Variants in YAE1 observed in about 807,000 individuals in gnomAD.
YAE1 encodes the protein YAE1 maturation factor of ABCE1.
YAE1 carries 22 observed loss-of-function variants against 23.0 expected under a neutral mutation model. That is an observed-to-expected ratio of 0.96 (90% CI 0.68 to 1.37). The LOEUF (loss-of-function observed/expected upper bound fraction) is 1.37, where lower values mean the gene tolerates loss of function less well. Among genes scored for constraint, YAE1 ranks in the 40% most tolerant of loss-of-function variants. The pLI is 0.00. For missense variants in YAE1, 260 were observed against 262.1 expected (o/e 0.99, Z 0.06); for synonymous variants, 101 against 97.0 (o/e 1.04, Z -0.24).
rs144402628 is a variant in YAE1 at position 39,599,879 on chromosome 7, G to A, written c.252-9738G>A. Among the ~76,000 whole-genome samples, 409 of 152,130 alleles carry A rather than the reference G, an allele frequency of 2.7e-3. 2 individuals carry two copies. Among genetic ancestry groups the A allele is most frequent in the African/African-American group, 9.2e-3 (381 of 41,502 alleles). On this transcript the variant is annotated intron_variant, in intron 2 of 2. Transcript: ENST00000432096. ...GCTGGGATTACAGGCGTCAGCCACC[G>A]TGCCCGGCCTGAAGTGTTGTTTTAA...
chr7:39,593,177 CTTTTTT>C (rs56303591), intron 2 of YAE1, among the ~76,000 whole-genome samples: 4 of 72,112 alleles, frequency 5.5e-5, no homozygotes, highest in African/African-American at 1.7e-4. Flanking sequence ...TTGGTTATTT[CTTTTTT>C]TTTTTTTTTT....
At chr7:39,599,275 ACT>A (rs920289517) in intron 2 of YAE1, among the ~76,000 whole-genome samples, 6 of 151,602 alleles carry the variant, frequency 4.0e-5, no homozygotes, top group African/African-American at 1.5e-4. Context: ...ATAAATCCTC[ACT>A]CTGCCACTTG....
In YAE1 at chr7:39,572,350, G is replaced by A. The variant is rs755450756; in HGVS notation, c.325G>A (p.Ala109Thr). The A allele has an allele frequency of 3.1e-6, 5 of 1,613,958 alleles. No individual in the cohort carries two copies. Among genetic ancestry groups the A allele is most frequent in the Non-Finnish European group, 4.2e-6 (5 of 1,179,974 alleles). ...LINKINNLLD[A>T]VGQCEEYVLK... Reference sequence around the variant, plus strand: ...CAATAAAATAAACAATCTTCTGGATGCAGTTGGCCAGTGTGAAGAGTATGT... The same window carrying A: ...CAATAAAATAAACAATCTTCTGGATACAGTTGGCCAGTGTGAAGAGTATGT... The change falls in exon 3 of 3, where the codon GCA (alanine) becomes ACA (threonine). Residue 109 changes from alanine to threonine, a missense_variant. Coordinates refer to ENST00000223273, the MANE Select transcript of YAE1 (RefSeq NM_020192.5).
At chr7:39,594,266 C>T (rs1790945731) in intron 2 of YAE1, among the ~76,000 whole-genome samples, 1 of 152,294 alleles carries the variant, frequency 6.6e-6, no homozygotes, top group East Asian at 1.9e-4. Flanking sequence ...TCATCTGTGG[C>T]TTTCTCCTTT....
At chr7:39,588,373 T>C (rs576882323) in intron 2 of YAE1, among the ~76,000 whole-genome samples, 1 of 151,872 alleles carries the variant, frequency 6.6e-6, no homozygotes, top group Non-Finnish European at 1.5e-5. Flanking sequence ...TTAGCTGGGC[T>C]TGGTGGCGTG....
chr7:39,604,673 C>A (rs1288317149), intron 2 of YAE1, among the ~76,000 whole-genome samples: 1 of 152,126 alleles, frequency 6.6e-6, no homozygotes, highest in East Asian at 1.9e-4. Context: ...ATAATGGTTT[C>A]AGTGGTTTTT....
downstream of YAE1, among the ~76,000 whole-genome samples, chr7:39,575,533 T>C (rs1790638843): frequency 8.1e-6 from 1 of 123,794 alleles, no homozygotes; most frequent in South Asian, 2.7e-4. Context: ...CAGTCTAAGA[T>C]ACAGGAGAGA....
At chr7:39,590,526 A>G (rs1790887065) in intron 2 of YAE1, among the ~76,000 whole-genome samples, 1 of 152,184 alleles carries the variant, frequency 6.6e-6, no homozygotes. Context: ...CAGAATTCAG[A>G]TGTTTTTTTA....
At chr7:39,587,507 G>A (rs189551035) in intron 2 of YAE1, among the ~76,000 whole-genome samples, 217 of 152,248 alleles carry the variant, frequency 1.4e-3, no homozygotes, top group African/African-American at 5.1e-3. Context: ...GAATTTTCCA[G>A]GGGTATGACT....
At position 39,590,444 on chromosome 7, in the gene YAE1, G is replaced by T. The variant is rs112185747; in HGVS notation, c.252-19173G>T. ...CTATTTTACAGATAAAGAGCTAAGA[G>T]GATAAACCCACATCTGCCTGACTCC... On this transcript the variant is annotated intron_variant, in intron 2 of 2. Coordinates refer to the YAE1 transcript ENST00000432096. Among the ~76,000 whole-genome samples, 1,290 of 152,210 alleles carry T rather than the reference G, an allele frequency of 8.5e-3. 18 individuals carry two copies. Among genetic ancestry groups the T allele is most frequent in the Non-Finnish European group, 0.013 (869 of 68,012 alleles).
chr7:39,584,717 T>G (rs1440845700), intron 2 of YAE1, among the ~76,000 whole-genome samples: 3 of 151,970 alleles, frequency 2.0e-5, no homozygotes, highest in African/African-American at 7.3e-5. Flanking sequence ...CTGCTATCAT[T>G]TGTAAAAAGC....
At chr7:39,592,568 A>G (rs1034970803) in intron 2 of YAE1, among the ~76,000 whole-genome samples, 2 of 152,212 alleles carry the variant, frequency 1.3e-5, no homozygotes, top group Admixed American at 6.5e-5. Context: ...AAGCCGTAGT[A>G]AAGTCAAAAA....
At chr7:39,570,716 G>A in intron 2 of YAE1, 89 bp downstream of exon 2, 1 of 1,458,206 alleles carries the variant, frequency 6.9e-7, no homozygotes, top group East Asian at 2.4e-5. Flanking sequence ...AAACTGAAAT[G>A]CTTTTCCTGG....
chr7:39,601,756 C>A (rs1791058469), intron 2 of YAE1, among the ~76,000 whole-genome samples: 1 of 53,314 alleles, frequency 1.9e-5, no homozygotes, highest in Non-Finnish European at 4.3e-5. Flanking sequence ...CAGACTCTGT[C>A]TCAAAAAAAA....
intron 2 of YAE1, among the ~76,000 whole-genome samples, chr7:39,593,471 C>T (rs970506045): frequency 6.6e-6 from 1 of 152,122 alleles, no homozygotes; most frequent in Non-Finnish European, 1.5e-5. Flanking sequence ...TGGTCTTGAA[C>T]TCCTGGCCTC....
At chr7:39,579,726 A>T (rs1319588723) in intron 2 of YAE1, among the ~76,000 whole-genome samples, 5 of 151,670 alleles carry the variant, frequency 3.3e-5, no homozygotes, top group Admixed American at 2.0e-4. Flanking sequence ...GTCAGCAAGT[A>T]TTATTTTTAT....
chr7:39,568,793 A>T (rs866793507), intron 1 of YAE1, among the ~76,000 whole-genome samples: 14 of 152,342 alleles, frequency 9.2e-5, no homozygotes, highest in African/African-American at 3.4e-4. Flanking sequence ...TTCCTAAATC[A>T]GTAGCTTATC....
chr7:39,595,419 C>T (rs916959423), intron 2 of YAE1, among the ~76,000 whole-genome samples: 9 of 151,814 alleles, frequency 5.9e-5, no homozygotes, highest in Non-Finnish European at 1.2e-4. Context: ...CATTCTGGGA[C>T]GTATGCCAGA....
chr7:39,567,600 GTTTTGTT>G (rs1790493188), intron 1 of YAE1, among the ~76,000 whole-genome samples: 1 of 151,988 alleles, frequency 6.6e-6, no homozygotes, highest in African/African-American at 2.4e-5. Context: ...CTAATGCTGG[GTTTTGTT>G]TTTTGTTTTT....
Sources: allele counts gnomAD v4.1 joint callset (sites outside exome capture counted in the v4.1 genomes callset), GRCh38; gene constraint gnomAD v4.1.1; transcripts MANE v1.5; gene names NCBI Gene and HGNC (gene_info 2026-07-23, HGNC 2026-07-21).